ADAM10: variants seen among roughly 807,000 people sequenced by gnomAD.
ADAM10 encodes the protein disintegrin and metalloproteinase domain-containing protein 10.
ADAM10 carries 17 observed loss-of-function variants against 90.1 expected under a neutral mutation model. The ratio of observed to expected loss-of-function variants is 0.19; its 90% CI spans 0.13 to 0.28. The LOEUF (loss-of-function observed/expected upper bound fraction) is 0.28, where lower values mean the gene tolerates loss of function less well. Ranked by LOEUF, ADAM10 falls within the 10% of genes least tolerant of loss-of-function variation. The pLI is 1.00. For synonymous variants in ADAM10, 310 were observed against 298.6 expected (o/e 1.04, Z -0.40); for missense variants, 610 against 914.3 (o/e 0.67, Z 4.29).
chr15:58,600,591 C>T (rs1172188676), intron 14 of ADAM10, among the ~76,000 whole-genome samples: 1 of 152,012 alleles, frequency 6.6e-6, no homozygotes, highest in African/African-American at 2.4e-5. Flanking sequence ...AAAGTTCATC[C>T]CGTCTTAGAA....
chr15:58,748,451 A>T (rs190482949), intron 1 of ADAM10: 4 of 152,868 alleles, frequency 2.6e-5, no homozygotes, highest in Admixed American at 1.3e-4. Flanking sequence ...AAAATAAAGC[A>T]CTTTAAGCAA....
At chr15:58,746,368 A>G (rs1899792157) in intron 1 of ADAM10, among the ~76,000 whole-genome samples, 1 of 152,218 alleles carries the variant, frequency 6.6e-6, no homozygotes, top group African/African-American at 2.4e-5. Context: ...TAAACAAGTT[A>G]CTAAAAGCAC....
At position 58,689,952 on chromosome 15, in the gene ADAM10, C is replaced by CCAA. The variant is rs1555418398; in HGVS notation, c.207-7639_207-7638insTTG. Reference sequence around the variant, plus strand: ...TCCAAAACCAAAGACAGACCCCCCCCAAAAAAAAAAAAAAAAGACTGATAT... The same window carrying CCAA: ...TCCAAAACCAAAGACAGACCCCCCCCCAAAAAAAAAAAAAAAAAAGACTGATAT... On this transcript the variant is annotated intron_variant, in intron 2 of 15. Transcript: ENST00000260408. Among the ~76,000 whole-genome samples the CCAA allele has an allele frequency of 3.1e-3, 338 of 108,806 alleles. 1 individual carries two copies. The Middle Eastern group carries it at 0.044, about 14-fold the overall frequency. 71.4% of individuals were successfully genotyped at this position (108,806 alleles called of 152,430 possible). A position where few individuals can be genotyped will look rare whatever the true frequency, so the allele number is the denominator to read the frequency against.
In ADAM10 at chr15:58,691,354, C is replaced by T. The variant is rs192362085; in HGVS notation, c.207-9040G>A. The T allele has an allele frequency of 1.8e-4, 175 of 984,890 alleles. 1 individual carries two copies. The African/African-American group carries it at 2.2e-3, about 12-fold the overall frequency. The allele number at this position is 984,890 out of a possible 1,614,324, so 61.0% of individuals were successfully genotyped here. A position where few individuals can be genotyped will look rare whatever the true frequency, so the allele number is the denominator to read the frequency against. ...TGCACACAGTACTCATCAATGGGCTCACTCATATATATTACCTCGAAGCCC... is the reference window on the plus strand; with the variant it reads ...TGCACACAGTACTCATCAATGGGCTTACTCATATATATTACCTCGAAGCCC... On this transcript the variant is annotated intron_variant, in intron 2 of 15. Transcript: ENST00000260408.
chr15:58,605,409 C>T (rs376144842), intron 14 of ADAM10, among the ~76,000 whole-genome samples: 4 of 152,110 alleles, frequency 2.6e-5, no homozygotes, highest in South Asian at 2.1e-4. Flanking sequence ...ATAAATAGTG[C>T]ATCTGAAAAT....
chr15:58,659,725 G>A (rs1412699922), intron 5 of ADAM10, among the ~76,000 whole-genome samples: 1 of 151,924 alleles, frequency 6.6e-6, no homozygotes, highest in Non-Finnish European at 1.5e-5. Flanking sequence ...AATGTGTTAT[G>A]AAGTTTTCTC....
intron 1 of ADAM10, among the ~76,000 whole-genome samples, chr15:58,742,469 T>C (rs1899647612): frequency 6.6e-6 from 1 of 152,200 alleles, no homozygotes; most frequent in Non-Finnish European, 1.5e-5. Flanking sequence ...TTACGATATT[T>C]TCAACTTATG....
intron 1 of ADAM10, among the ~76,000 whole-genome samples, chr15:58,723,582 G>A (rs1378195887): frequency 2.0e-5 from 3 of 152,086 alleles, no homozygotes; most frequent in African/African-American, 7.2e-5. Context: ...ACTGACGCCT[G>A]TAATCCCAGC....
chr15:58,699,038 A>C (rs1314225459), intron 2 of ADAM10, among the ~76,000 whole-genome samples: 1 of 152,220 alleles, frequency 6.6e-6, no homozygotes, highest in African/African-American at 2.4e-5. Context: ...GAATTCTAAA[A>C]ACAATAACAG....
chr15:58,649,674 C>T lies in ADAM10; in HGVS notation c.586-3470G>A, dbSNP rs1896637410. On this transcript the variant is annotated intron_variant, in intron 5 of 15. Coordinates refer to ENST00000260408, the MANE Select transcript of ADAM10 (RefSeq NM_001110.4). ...AAATGAGCTGCCATGTTTACTGTTG[C>T]TTAAGAGTGATTAAACTTTTTCTCA... is the stretch of plus-strand genomic sequence containing the variant. 2.0e-5 allele frequency among the ~76,000 whole-genome samples: 3 copies of T among 152,264 alleles called. No homozygotes were observed. The South Asian group carries it at 6.2e-4, about 32-fold the overall frequency.
chr15:58,739,727 T>C (rs753280676), intron 1 of ADAM10, among the ~76,000 whole-genome samples: 3 of 152,214 alleles, frequency 2.0e-5, no homozygotes, highest in Non-Finnish European at 4.4e-5. Context: ...TCTGATAATA[T>C]GCTGTACTAA....
chr15:58,723,881 A>G (rs776243537), intron 1 of ADAM10, among the ~76,000 whole-genome samples: 1 of 152,166 alleles, frequency 6.6e-6, no homozygotes, highest in Non-Finnish European at 1.5e-5. Flanking sequence ...AGAAGAAAAC[A>G]AACGACATTT....
Position 58,596,707 on chromosome 15 carries a change from A to G in ADAM10, c.*840T>C, listed in dbSNP as rs1474150911. The G allele has an allele frequency of 6.6e-6, 1 of 152,268 alleles. No individual in the cohort carries two copies. The highest frequency in any genetic ancestry group is 1.9e-4 in the East Asian group (1 of 5,200). 9.4% of individuals were successfully genotyped at this position (152,268 alleles called of 1,614,324 possible). On this transcript the variant is annotated 3_prime_UTR_variant, in exon 16 of 16. Transcript: ENST00000260408. ...AATGGAATTGAATTAGAAAGTTTAA[A>G]AGACGTAAGCAGAAACCAGACATCT... is the stretch of plus-strand genomic sequence containing the variant.
At chr15:58,717,046 A>G (rs1264422935) in intron 2 of ADAM10, among the ~76,000 whole-genome samples, 1 of 152,176 alleles carries the variant, frequency 6.6e-6, no homozygotes, top group African/African-American at 2.4e-5. Flanking sequence ...AATGCATATA[A>G]AGCATCTAGA....
At position 58,589,426 on chromosome 15, in the gene ADAM10, C is replaced by T. The variant is rs920172369; in HGVS notation, c.*8121G>A. The stretch of plus-strand genomic sequence containing the variant: ...CCTCTGGGAAGTCATCTTGGCTCTT[C>T]CCACTACCTACCTACCATGCTCGAT... On this transcript the variant is annotated 3_prime_UTR_variant, in exon 16 of 16. Coordinates refer to ENST00000260408, the MANE Select transcript of ADAM10 (RefSeq NM_001110.4). The T allele has an allele frequency of 6.6e-6, 1 of 152,266 alleles. No homozygotes were observed. The highest frequency in any genetic ancestry group is 2.4e-5 in the African/African-American group (1 of 41,438). The allele number at this position is 152,266 out of a possible 1,614,324, so 9.4% of individuals were successfully genotyped here.
rs116069062 is a variant in ADAM10 at position 58,641,787 on chromosome 15, T to C, written c.829-827A>G. ...CCAGGTAAGCCAAGGAATTACAATA[T>C]GAAAGTAAATGTTTTTACCGAAAGG... On this transcript the variant is annotated intron_variant, in intron 7 of 15. Transcript: ENST00000260408. 6.4e-3 allele frequency among the ~76,000 whole-genome samples: 978 copies of C among 152,244 alleles called. 17 individuals carry two copies. The highest frequency in any genetic ancestry group is 0.022 in the African/African-American group (933 of 41,550).
At chr15:58,691,476 G>T in intron 2 of ADAM10, 1 of 630,948 alleles carries the variant, frequency 1.6e-6, no homozygotes, top group South Asian at 1.4e-5. Flanking sequence ...CTTCATGCAA[G>T]ACACATACTC....
At chr15:58,701,924 A>G (rs1369144982) in intron 2 of ADAM10, among the ~76,000 whole-genome samples, 1 of 151,986 alleles carries the variant, frequency 6.6e-6, no homozygotes, top group Admixed American at 6.6e-5. Context: ...TGGCCAACAC[A>G]GCAAAACCCC....
intron 11 of ADAM10, among the ~76,000 whole-genome samples, chr15:58,618,027 G>A (rs1031093181): frequency 2.6e-5 from 4 of 151,908 alleles, no homozygotes; most frequent in Non-Finnish European, 5.9e-5. Flanking sequence ...ATTCTTCACA[G>A]ATAAAGAGAA....
Sources: allele counts gnomAD v4.1 joint callset (sites outside exome capture counted in the v4.1 genomes callset), GRCh38; gene constraint gnomAD v4.1.1; transcripts MANE v1.5; gene names NCBI Gene and HGNC (gene_info 2026-07-23, HGNC 2026-07-21).